LONRF2: variants seen among roughly 807,000 people sequenced by gnomAD.
The protein encoded by LONRF2 is LON peptidase N-terminal domain and ring finger 2.
Under a neutral mutation model 66.6 loss-of-function variants are expected in LONRF2, and 35 were observed. The observed-to-expected ratio is 0.53, with a 90% CI of 0.40 to 0.70. The LOEUF is 0.70. LONRF2 is among the 30% of genes least tolerant of loss of function. The pLI, the probability that LONRF2 is intolerant of heterozygous loss-of-function variation, is 0.00. For missense variants in LONRF2, 902 were observed against 1,002.1 expected (o/e 0.90, Z 1.35); for synonymous variants, 417 against 418.1 (o/e 1.00, Z 0.03).
At chr2:100,298,313 T>G (rs993600369) in intron 7 of LONRF2, among the ~76,000 whole-genome samples, 3 of 152,276 alleles carry the variant, frequency 2.0e-5, no homozygotes, top group Non-Finnish European at 2.9e-5. Context: ...AGCTTCCCCA[T>G]GGAACCTGGA....
At chr2:100,315,658 C>T (rs1298367930) in intron 1 of LONRF2, among the ~76,000 whole-genome samples, 1 of 152,106 alleles carries the variant, frequency 6.6e-6, no homozygotes. Context: ...AATTACATTG[C>T]TTGATTTTCC....
At chr2:100,307,859 T>G (rs12999779) in intron 2 of LONRF2, among the ~76,000 whole-genome samples, 77,451 of 152,004 alleles carry the variant, frequency 0.51, 20,090 homozygotes, top group East Asian at 0.76. Context: ...TTATATAAAT[T>G]TTTGCTTGTC....
chr2:100,285,862 C>T (rs1674835016), intron 11 of LONRF2, among the ~76,000 whole-genome samples: 1 of 152,144 alleles, frequency 6.6e-6, no homozygotes, highest in African/African-American at 2.4e-5. Flanking sequence ...TGTTTTAAGC[C>T]ACCACGTTCG....
intron 7 of LONRF2, 141 bp from the exon 8 acceptor site, chr2:100,295,694 C>T: frequency 4.0e-6 from 3 of 747,694 alleles, no homozygotes; most frequent in Non-Finnish European, 4.1e-6. Context: ...GAGAGGCGGG[C>T]CAGCCTGTAA....
chr2:100,279,553 TA>T lies in LONRF2; in HGVS notation c.*4744del, dbSNP rs1674669161. 6.6e-6 allele frequency: 1 copy of T among 152,158 alleles called. No individual in the cohort carries two copies. The highest frequency in any genetic ancestry group is 1.5e-5 in the Non-Finnish European group (1 of 68,012). The allele number at this position is 152,158 out of a possible 1,614,324, so 9.4% of individuals were successfully genotyped here. Reference sequence around the variant, plus strand: ...CAAAACAGCAGAGGACCAATTGTATTAATCATGATTTCTATATTTTATGATA... The same window carrying T: ...CAAAACAGCAGAGGACCAATTGTATTATCATGATTTCTATATTTTATGATA... On this transcript the variant is annotated 3_prime_UTR_variant, in exon 12 of 12. Transcript: ENST00000393437.
At chr2:100,310,110 A>C (rs1377331362) in intron 1 of LONRF2, among the ~76,000 whole-genome samples, 2 of 152,148 alleles carry the variant, frequency 1.3e-5, no homozygotes, top group African/African-American at 4.8e-5. Flanking sequence ...CCTGATAACA[A>C]CTCACATGCT....
intron 1 of LONRF2, among the ~76,000 whole-genome samples, chr2:100,318,236 G>GT (rs1438146525): frequency 1.3e-5 from 2 of 152,172 alleles, no homozygotes; most frequent in African/African-American, 2.4e-5. Flanking sequence ...CATCTGGTTT[G>GT]TAACAAATCT....
intron 10 of LONRF2, among the ~76,000 whole-genome samples, chr2:100,289,956 A>T (rs1346158089): frequency 1.3e-5 from 2 of 152,014 alleles, no homozygotes; most frequent in Non-Finnish European, 2.9e-5. Flanking sequence ...ACAAAATTTA[A>T]ATTAGCCATG....
rs1381810942 is a variant in LONRF2, at chr2:100,273,653, C to A, written c.*10645G>T. 6.6e-6 allele frequency: 1 copy of A among 152,154 alleles called. No homozygotes were observed. The highest frequency in any genetic ancestry group is 1.5e-5 in the Non-Finnish European group (1 of 68,038). 9.4% of individuals were successfully genotyped at this position (152,154 alleles called of 1,614,324 possible). A position where few individuals can be genotyped will look rare whatever the true frequency, so the allele number is the denominator to read the frequency against. On this transcript the variant is annotated 3_prime_UTR_variant, in exon 12 of 12. Transcript: ENST00000393437. ...CAGAAACAGAAGGCCAGATGAGTGACCTGTATCACAGGATATGACAACACA... is the reference window on the plus strand; with the variant it reads ...CAGAAACAGAAGGCCAGATGAGTGAACTGTATCACAGGATATGACAACACA...
chr2:100,303,064 G>T, intron 2 of LONRF2, 21 bp from the exon 3 acceptor site: 1 of 1,559,668 alleles, frequency 6.4e-7, no homozygotes. Flanking sequence ...CGAAGACAAA[G>T]TGTACATTTT....
Position 100,321,565 on chromosome 2 carries a change from G to A in LONRF2, c.529C>T (p.Arg177Trp), listed in dbSNP as rs759257766. 3 of 1,537,356 alleles carry A rather than the reference G, an allele frequency of 2.0e-6. No individual in the cohort carries two copies. Among genetic ancestry groups the A allele is most frequent in the South Asian group, 2.4e-5 (2 of 84,594 alleles). The change falls in exon 1 of 12, where the codon CGG (arginine) becomes TGG (tryptophan). Residue 177 changes from arginine (R) to tryptophan (W), a missense_variant. Transcript: ENST00000393437. The stretch of plus-strand genomic sequence containing the variant: ...CCGCTCAGCACCACGTTCACGCGCC[G>A]CACCTGCGGCCGCGCGGGCCCTGGC... ...VEPGPARPQV[R>W]RVNVVLSGLL...
rs904737602 is a variant in LONRF2 at position 100,272,358 on chromosome 2, G to A, written c.*11940C>T. Among the ~76,000 whole-genome samples the A allele has an allele frequency of 1.3e-5, 2 of 152,082 alleles. No homozygotes were observed. Among genetic ancestry groups the A allele is most frequent in the Non-Finnish European group, 2.9e-5 (2 of 68,010 alleles). ...CATAGAAAGTAAAAAAATTAGCCGG[G>A]TATAGCGGCATGCACCTGTGGTCCC... is the stretch of plus-strand genomic sequence containing the variant. On this transcript the variant is annotated 3_prime_UTR_variant, in exon 12 of 12. Transcript: ENST00000393437.
chr2:100,303,722 G>A (rs1675231077), intron 2 of LONRF2, among the ~76,000 whole-genome samples: 1 of 151,974 alleles, frequency 6.6e-6, no homozygotes, highest in South Asian at 2.1e-4. Flanking sequence ...CTCATTCCAT[G>A]TCATTTTTCT....
rs1025814857 is a variant in LONRF2, at chr2:100,279,327, C to T, written c.*4971G>A. ...TGCACCAAGAAATGTTAGAGACCCC[C>T]CCCCCGCAAACTGCAGAACTACATT... On this transcript the variant is annotated 3_prime_UTR_variant, in exon 12 of 12. Transcript: ENST00000393437. 4.0e-5 allele frequency: 6 copies of T among 151,394 alleles called. No homozygotes were observed. The highest frequency in any genetic ancestry group is 1.5e-4 in the African/African-American group (6 of 41,254). 9.4% of individuals were successfully genotyped at this position (151,394 alleles called of 1,614,324 possible).
In LONRF2 at chr2:100,284,200, C is replaced by T. The variant is rs1462243780; in HGVS notation, c.*98G>A. 9 of 1,179,130 alleles carry T rather than the reference C, an allele frequency of 7.6e-6. No individual in the cohort carries two copies. The highest frequency in any genetic ancestry group is 1.0e-5 in the Non-Finnish European group (9 of 867,612). The allele number at this position is 1,179,130 out of a possible 1,614,324, so 73.0% of individuals were successfully genotyped here. A position where few individuals can be genotyped will look rare whatever the true frequency, so the allele number is the denominator to read the frequency against. On this transcript the variant is annotated 3_prime_UTR_variant, in exon 12 of 12. Transcript: ENST00000393437. ...GCGTCCCATTTTGGAACCTCATCCA[C>T]AAGCACTTGATGAAGCACAATGAAT...
chr2:100,318,148 G>A (rs1441970427), intron 1 of LONRF2, among the ~76,000 whole-genome samples: 1 of 151,968 alleles, frequency 6.6e-6, no homozygotes, highest in African/African-American at 2.4e-5. Context: ...CTCTCTTTTA[G>A]TCTTCTTCTG....
chr2:100,316,339 G>A lies in LONRF2; in HGVS notation c.679+5076C>T, dbSNP rs138348831. Reference sequence around the variant, plus strand: ...ATCTCAAAAAAAAAAAAAAAAAAAAGAAAGAAAATTTTCTAATAATTATTA... The same window carrying A: ...ATCTCAAAAAAAAAAAAAAAAAAAAAAAAGAAAATTTTCTAATAATTATTA... On this transcript the variant is annotated intron_variant, in intron 1 of 11. Coordinates refer to ENST00000393437, the MANE Select transcript of LONRF2 (RefSeq NM_198461.4). Among the ~76,000 whole-genome samples, 267 of 103,312 alleles carry A rather than the reference G, an allele frequency of 2.6e-3. 1 individual carries two copies. The highest frequency in any genetic ancestry group is 8.7e-3 in the African/African-American group (160 of 18,490). The allele number at this position is 103,312 out of a possible 152,430, so 67.8% of individuals were successfully genotyped here.
intron 10 of LONRF2, among the ~76,000 whole-genome samples, chr2:100,288,610 T>G (rs1363989463): frequency 1.3e-5 from 2 of 152,218 alleles, no homozygotes; most frequent in Non-Finnish European, 2.9e-5. Context: ...TTAGAAAGAT[T>G]CTTCACCACT....
intron 1 of LONRF2, among the ~76,000 whole-genome samples, chr2:100,310,432 GA>G (rs1675386345): frequency 2.0e-5 from 3 of 152,154 alleles, no homozygotes; most frequent in Admixed American, 1.3e-4. Flanking sequence ...CCTTGACCTT[GA>G]TTCTTTTCAA....
Sources: allele counts gnomAD v4.1 joint callset (sites outside exome capture counted in the v4.1 genomes callset), GRCh38; gene constraint gnomAD v4.1.1; transcripts MANE v1.5; gene names NCBI Gene and HGNC (gene_info 2026-07-23, HGNC 2026-07-21).